Variants in RABGAP1L observed in about 807,000 individuals in gnomAD.
RABGAP1L encodes the protein rab GTPase-activating protein 1-like.
Under a neutral mutation model 137.7 loss-of-function variants are expected in RABGAP1L, and 63 were observed. The ratio of observed to expected loss-of-function variants is 0.46; its 90% confidence interval spans 0.37 to 0.56. The LOEUF is 0.56. Ranked by LOEUF, RABGAP1L falls within the 20% of genes least tolerant of loss-of-function variation. The probability of loss-of-function intolerance (pLI) is 0.00; values close to 1 mark genes in which losing one functional copy is unlikely to be tolerated. For missense variants in RABGAP1L, 1,095 were observed against 1,244.0 expected (o/e 0.88, Z 1.80); for synonymous variants, 431 against 433.7 (o/e 0.99, Z 0.08).
intron 1 of RABGAP1L, among the ~76,000 whole-genome samples, chr1:174,184,563 G>T (rs923218778): frequency 2.0e-5 from 3 of 152,058 alleles, no homozygotes; most frequent in African/African-American, 7.2e-5. Flanking sequence ...TGTCCAAAAC[G>T]AAATCTGTCA....
intron 11 of RABGAP1L, among the ~76,000 whole-genome samples, chr1:174,323,036 G>A (rs1021645077): frequency 2.6e-5 from 4 of 152,090 alleles, no homozygotes; most frequent in African/African-American, 9.7e-5. Context: ...TTGGTAAAAT[G>A]ACAGGTGCTA....
At chr1:174,874,319 A>T in intron 19 of RABGAP1L, 1 of 209,600 alleles carries the variant, frequency 4.8e-6, no homozygotes, top group Non-Finnish European at 8.3e-6. Context: ...TTCTATACCC[A>T]TGTGGAAACC....
intron 13 of RABGAP1L, among the ~76,000 whole-genome samples, chr1:174,413,181 G>A (rs1211603719): frequency 6.6e-6 from 1 of 151,522 alleles, no homozygotes; most frequent in African/African-American, 2.4e-5. Flanking sequence ...CTTTATTTTT[G>A]TTGACTGTAT....
intron 18 of RABGAP1L, among the ~76,000 whole-genome samples, chr1:174,782,974 A>G (rs1469659769): frequency 2.6e-5 from 4 of 152,092 alleles, no homozygotes; most frequent in African/African-American, 9.7e-5. Flanking sequence ...GTCCCCTCCC[A>G]TTGTATGGGA....
At chr1:174,885,554 C>G (rs1167995542) in intron 19 of RABGAP1L, among the ~76,000 whole-genome samples, 1 of 152,248 alleles carries the variant, frequency 6.6e-6, no homozygotes, top group African/African-American at 2.4e-5. Flanking sequence ...TGGGGTTTCA[C>G]TGTGTTGACC....
At chr1:174,834,052 T>A (rs191586969) in intron 19 of RABGAP1L, among the ~76,000 whole-genome samples, 2 of 152,288 alleles carry the variant, frequency 1.3e-5, no homozygotes, top group Non-Finnish European at 2.9e-5. Flanking sequence ...TAATTAAAAA[T>A]TTTTAATGTG....
At chr1:174,612,494 C>T (rs1409427769) in intron 13 of RABGAP1L, among the ~76,000 whole-genome samples, 3 of 152,114 alleles carry the variant, frequency 2.0e-5, no homozygotes, top group Non-Finnish European at 4.4e-5. Flanking sequence ...CAATGTTCAC[C>T]AAGGATATTG....
At chr1:174,354,275 TATTA>T (rs1314118713) in intron 11 of RABGAP1L, among the ~76,000 whole-genome samples, 2 of 151,762 alleles carry the variant, frequency 1.3e-5, no homozygotes, top group South Asian at 2.1e-4. Context: ...TTATTAATTT[TATTA>T]ATTAATTAAT....
At chr1:174,197,925 A>G (rs945461359) in intron 1 of RABGAP1L, among the ~76,000 whole-genome samples, 4 of 152,232 alleles carry the variant, frequency 2.6e-5, no homozygotes, top group Admixed American at 6.5e-5. Context: ...AGAATCAGCC[A>G]TAGTTCCTGT....
intron 1 of RABGAP1L, among the ~76,000 whole-genome samples, chr1:174,162,522 A>G (rs1409009245): frequency 2.6e-5 from 4 of 152,154 alleles, no homozygotes; most frequent in Non-Finnish European, 4.4e-5. Context: ...GTGGGCCTGC[A>G]TTCCAACCTA....
intron 17 of RABGAP1L, among the ~76,000 whole-genome samples, chr1:174,729,981 A>T (rs1682325763): frequency 6.6e-6 from 1 of 152,208 alleles, no homozygotes; most frequent in African/African-American, 2.4e-5. Flanking sequence ...GTATATTTAA[A>T]AGAAAACAAA....
chr1:174,312,976 C>T (rs1678999586), intron 11 of RABGAP1L, among the ~76,000 whole-genome samples: 1 of 152,128 alleles, frequency 6.6e-6, no homozygotes, highest in African/African-American at 2.4e-5. Flanking sequence ...TTATGCCAGT[C>T]CCATGCTGTT....
In RABGAP1L at chr1:174,831,816, A is replaced by G. The variant is rs1050649833; in HGVS notation, c.2340+19856A>G. The stretch of plus-strand genomic sequence containing the variant: ...ACCTGTATAGTCAGTGAAATATCAC[A>G]AGATCCAAATTCTAGTGACTTAACT... On this transcript the variant is annotated intron_variant, in intron 19 of 25. Transcript: ENST00000681986. Among the ~76,000 whole-genome samples, 4 of 148,292 alleles carry G rather than the reference A, an allele frequency of 2.7e-5. 1 individual carries two copies. Among genetic ancestry groups the G allele is most frequent in the African/African-American group, 9.8e-5 (4 of 40,634 alleles).
At chr1:174,514,286 C>A (rs1032648403) in intron 13 of RABGAP1L, among the ~76,000 whole-genome samples, 68 of 139,872 alleles carry the variant, frequency 4.9e-4, no homozygotes, top group African/African-American at 1.8e-3. Flanking sequence ...GAGGGATCTT[C>A]GTGTTGGTAG....
chr1:174,656,347 A>G (rs963477858), intron 14 of RABGAP1L, among the ~76,000 whole-genome samples: 2 of 152,126 alleles, frequency 1.3e-5, no homozygotes, highest in African/African-American at 4.8e-5. Context: ...AATCCCAGCT[A>G]TTTGGAAGGC....
intron 1 of RABGAP1L, among the ~76,000 whole-genome samples, chr1:174,218,326 A>G (rs893873882): frequency 6.6e-6 from 1 of 152,100 alleles, no homozygotes; most frequent in African/African-American, 2.4e-5. Context: ...AGTGCAGGCT[A>G]CTTGTTTTCC....
At chr1:174,168,000 C>T (rs559827069) in intron 1 of RABGAP1L, among the ~76,000 whole-genome samples, 2 of 152,154 alleles carry the variant, frequency 1.3e-5, no homozygotes, top group South Asian at 2.1e-4. Context: ...GGTGGTGGCC[C>T]ACACCTGTAA....
Position 174,448,849 on chromosome 1 carries a change from T to G in RABGAP1L, c.1710+54704T>G. 1 of 1,614,148 alleles carries G rather than the reference T, an allele frequency of 6.2e-7. No homozygotes were observed. On this transcript the variant is annotated intron_variant, in intron 13 of 25. Coordinates refer to ENST00000681986, the MANE Select transcript of RABGAP1L (RefSeq NM_001366446.1). This position sits in a 1 kb window ranked among gnomAD's most constrained non-coding sequence, Gnocchi z 4.2. The stretch of plus-strand genomic sequence containing the variant: ...ATGACCGAAGAGCCCGATTCCCTAG[T>G]CATGAGGTAGATTCTTCCAGAGAGA...
At chr1:174,275,977 T>G in intron 9 of RABGAP1L, 42 bp downstream of exon 9, 1 of 1,506,848 alleles carries the variant, frequency 6.6e-7, no homozygotes. Context: ...GCTTTACATT[T>G]TATATTATGA....
Sources: allele counts gnomAD v4.1 joint callset (sites outside exome capture counted in the v4.1 genomes callset), GRCh38; gene constraint gnomAD v4.1.1; non-coding constraint Gnocchi (gnomAD v3.1); transcripts MANE v1.5; gene names NCBI Gene and HGNC (gene_info 2026-07-23, HGNC 2026-07-21).